Variants in FBLN1 observed in about 807,000 individuals in gnomAD.
The protein encoded by FBLN1 is fibulin-1.
In FBLN1, 34 loss-of-function variants were observed where a neutral mutation model predicts 89.7. The ratio of observed to expected loss-of-function variants is 0.38; its 90% CI spans 0.29 to 0.50. FBLN1 has a LOEUF of 0.50. Ranked by LOEUF, FBLN1 falls within the 20% of genes least tolerant of loss-of-function variation. FBLN1 has a pLI of 0.92. For missense variants in FBLN1, 777 were observed against 988.1 expected, an observed-to-expected ratio of 0.79 and a Z score of 2.86; for synonymous variants, 393 against 391.3, an observed-to-expected ratio of 1.00 and a Z score of -0.05.
intron 16 of FBLN1, among the ~76,000 whole-genome samples, chr22:45,598,666 A>G (rs1466737713): frequency 2.6e-5 from 4 of 152,038 alleles, no homozygotes; most frequent in Non-Finnish European, 4.4e-5. Flanking sequence ...ATCTCCCACC[A>G]GCTTTGAAAC....
chr22:45,534,441 C>T (rs914989015), intron 7 of FBLN1, among the ~76,000 whole-genome samples: 1 of 152,234 alleles, frequency 6.6e-6, no homozygotes, highest in Non-Finnish European at 1.5e-5. Flanking sequence ...TTTCTGGCTG[C>T]CAGCCTTTCC....
At chr22:45,510,329 A>G (rs2088082742) in intron 1 of FBLN1, among the ~76,000 whole-genome samples, 1 of 152,090 alleles carries the variant, frequency 6.6e-6, no homozygotes, top group Non-Finnish European at 1.5e-5. Context: ...CCCAGTGGAA[A>G]TTTTGCCAGA....
chr22:45,563,317 C>T lies in FBLN1; in HGVS notation c.1698-11194C>T, dbSNP rs372859440. 8.7e-6 allele frequency: 14 copies of T among 1,611,454 alleles called. No homozygotes were observed. The highest frequency in any genetic ancestry group is 5.0e-5 in the Admixed American group (3 of 59,882). ...CCCTCCTGTTGCTTTCCTAACCCTG[C>T]CCTCCGGGGCGTTAATAAAGTCTTA... On this transcript the variant is annotated intron_variant, in intron 14 of 16. Coordinates refer to ENST00000327858, the MANE Select transcript of FBLN1 (RefSeq NM_006486.3). The surrounding 1 kb of genome is among the most constrained non-coding windows in gnomAD (Gnocchi z 5.7).
rs1569267562 is a variant in FBLN1 at position 45,588,833 on chromosome 22, TGAC to T, written c.1973-11471_1973-11469del. ...ATTAGCAAAAAAAAAAAAAAAGGAA[TGAC>T]GATGATATGAATCTTTTGGCGGCCT... On this transcript the variant is annotated intron_variant, in intron 16 of 16. Transcript: ENST00000327858. This position sits in a 1 kb window ranked among gnomAD's most constrained non-coding sequence, Gnocchi z 5.1. Among the ~76,000 whole-genome samples the T allele has an allele frequency of 2.1e-5, 3 of 143,004 alleles. No homozygotes were observed. The highest frequency in any genetic ancestry group is 4.5e-5 in the Non-Finnish European group (3 of 66,352). 93.8% of individuals were successfully genotyped at this position (143,004 alleles called of 152,430 possible).
chr22:45,579,950 G>A lies in FBLN1; in HGVS notation c.1972+2842G>A, dbSNP rs1443009805. Among the ~76,000 whole-genome samples, 1 of 152,012 alleles carries A rather than the reference G, an allele frequency of 6.6e-6. No individual in the cohort carries two copies. The highest frequency in any genetic ancestry group is 1.9e-4 in the East Asian group (1 of 5,136). ...GGTTCCACCGTTGGACTCGAGCCCA[G>A]CCTGAAGCAGCCCTGAAAACGTGGG... On this transcript the variant is annotated intron_variant, in intron 16 of 16. Transcript: ENST00000327858. The surrounding 1 kb of genome is among the most constrained non-coding windows in gnomAD (Gnocchi z 5.5).
intron 1 of FBLN1, among the ~76,000 whole-genome samples, chr22:45,513,828 C>G (rs1278183645): frequency 6.6e-6 from 1 of 152,110 alleles, no homozygotes; most frequent in Non-Finnish European, 1.5e-5. Context: ...GAGTCTTGCT[C>G]TGTCGCCCAG....
At chr22:45,518,493 G>T in intron 1 of FBLN1, 189 bp from the exon 2 acceptor site, 1 of 646,080 alleles carries the variant, frequency 1.5e-6, no homozygotes, top group Non-Finnish European at 2.8e-6. Context: ...GGAAGGAGTG[G>T]GGTGTGGACT....
chr22:45,535,702 A>C (rs1294301849), intron 8 of FBLN1: 2 of 248,724 alleles, frequency 8.0e-6, no homozygotes, highest in East Asian at 2.1e-4. Context: ...TTTTGGAGTT[A>C]GAGTGACCCA....
intron 3 of FBLN1, among the ~76,000 whole-genome samples, chr22:45,526,737 A>G (rs1423015701): frequency 6.6e-6 from 1 of 152,148 alleles, no homozygotes; most frequent in Non-Finnish European, 1.5e-5. Flanking sequence ...GGGCTTTCAC[A>G]GGGCAGGGCT....
At chr22:45,510,329 AT>A (rs1203276207) in intron 1 of FBLN1, among the ~76,000 whole-genome samples, 2 of 152,090 alleles carry the variant, frequency 1.3e-5, no homozygotes, top group Non-Finnish European at 2.9e-5. Flanking sequence ...CCCAGTGGAA[AT>A]TTTGCCAGAG....
chr22:45,524,869 G>A (rs1024163871), intron 2 of FBLN1, among the ~76,000 whole-genome samples: 8 of 152,100 alleles, frequency 5.3e-5, no homozygotes, highest in African/African-American at 1.2e-4. Flanking sequence ...GGGATCACCC[G>A]AGCTCAGGAG....
intron 1 of FBLN1, among the ~76,000 whole-genome samples, chr22:45,508,781 T>C (rs955461702): frequency 6.6e-6 from 1 of 152,174 alleles, no homozygotes; most frequent in African/African-American, 2.4e-5. Context: ...ATTTGTGCGT[T>C]CATTCATTCA....
chr22:45,537,514 A>T lies in FBLN1; in HGVS notation c.922+2177A>T, dbSNP rs1032642952. On this transcript the variant is annotated intron_variant, in intron 8 of 16. Transcript: ENST00000327858. The surrounding 1 kb of genome is among the most constrained non-coding windows in gnomAD (Gnocchi z 5.7). ...GGCACCTTGTAATCCCAGCTACTCA[A>T]GATGCTGAGGCAGGAGAATCGCTTG... Among the ~76,000 whole-genome samples, 19 of 152,144 alleles carry T rather than the reference A, an allele frequency of 1.2e-4. No individual in the cohort carries two copies. The highest frequency in any genetic ancestry group is 4.6e-4 in the African/African-American group (19 of 41,526).
chr22:45,535,039 C>A (rs545732695), intron 7 of FBLN1, among the ~76,000 whole-genome samples, 161 bp from the exon 8 acceptor site: 4 of 152,260 alleles, frequency 2.6e-5, no homozygotes, highest in Non-Finnish European at 5.9e-5. Flanking sequence ...CACGATTTGG[C>A]TCAGTGAAGT....
At position 45,550,241 on chromosome 22, in the gene FBLN1, G is replaced by A. The variant is rs2088684356; in HGVS notation, c.1574-251G>A. Among the ~76,000 whole-genome samples, 1 of 152,174 alleles carries A rather than the reference G, an allele frequency of 6.6e-6. No homozygotes were observed. Among genetic ancestry groups the A allele is most frequent in the African/African-American group, 2.4e-5 (1 of 41,432 alleles). On this transcript the variant is annotated intron_variant, in intron 13 of 16. Coordinates refer to ENST00000327858, the MANE Select transcript of FBLN1 (RefSeq NM_006486.3). The surrounding 1 kb of genome is among the most constrained non-coding windows in gnomAD (Gnocchi z 8.4). Reference sequence around the variant, plus strand: ...GTACTCCCAGGACCCATCATGTAGTGTTTACTTTTACCATCGTCACGCTCC... The same window carrying A: ...GTACTCCCAGGACCCATCATGTAGTATTTACTTTTACCATCGTCACGCTCC...
chr22:45,594,193 ACTT>A (rs1017223652), intron 16 of FBLN1, among the ~76,000 whole-genome samples: 3 of 152,078 alleles, frequency 2.0e-5, no homozygotes, highest in Admixed American at 6.5e-5. Flanking sequence ...GTTCCTTGCT[ACTT>A]CTTCCTCCTT....
At position 45,508,293 on chromosome 22, in the gene FBLN1, T is replaced by TTTTTTTTTTTTTC. The variant is rs1254038939; in HGVS notation, c.79+5231_79+5232insTTTTTTTTTTCTT. ...CTGGACAGCCTCGCGTATCTTTTTT[T>TTTTTTTTTTTTTC]TTGAGACGGAGTCTTGCACTGTCTG... On this transcript the variant is annotated intron_variant, in intron 1 of 16. Transcript: ENST00000327858. Among the ~76,000 whole-genome samples, 408 of 150,378 alleles carry TTTTTTTTTTTTTC rather than the reference T, an allele frequency of 2.7e-3. 7 individuals are homozygous for TTTTTTTTTTTTTC. Among genetic ancestry groups the TTTTTTTTTTTTTC allele is most frequent in the African/African-American group, 9.6e-3 (391 of 40,874 alleles).
At chr22:45,540,511 C>G (rs978987284) in intron 8 of FBLN1, among the ~76,000 whole-genome samples, 8 of 152,170 alleles carry the variant, frequency 5.3e-5, no homozygotes, top group African/African-American at 1.9e-4. Context: ...TCCCCCATAC[C>G]AGATGCTTTG....
rs2089103287 is a variant in FBLN1 at position 45,588,020 on chromosome 22, C to T, written c.1972+10912C>T. Among the ~76,000 whole-genome samples the T allele has an allele frequency of 6.6e-6, 1 of 152,212 alleles. No individual in the cohort carries two copies. The highest frequency in any genetic ancestry group is 1.5e-5 in the Non-Finnish European group (1 of 68,042). ...CTGAGGAATGCAGCAGTGACTAAGGCAGACATGAACGCCTCTCTCATACAC... is the reference window on the plus strand; with the variant it reads ...CTGAGGAATGCAGCAGTGACTAAGGTAGACATGAACGCCTCTCTCATACAC... On this transcript the variant is annotated intron_variant, in intron 16 of 16. Transcript: ENST00000327858. The surrounding 1 kb of genome is among the most constrained non-coding windows in gnomAD (Gnocchi z 5.1).
Sources: gnomAD v4.1 joint callset for allele counts (sites outside exome capture counted in the v4.1 genomes callset) on GRCh38, gnomAD v4.1.1 for gene constraint, Gnocchi (gnomAD v3.1) non-coding constraint, MANE v1.5 for transcripts, NCBI Gene and HGNC (gene_info 2026-07-23, HGNC 2026-07-21) for gene names.